Variants in SHISA9 observed in about 807,000 individuals in gnomAD.
SHISA9 encodes shisa family member 9.
A neutral mutation model predicts 38.0 loss-of-function variants in SHISA9; 13 were observed. That is an observed-to-expected ratio of 0.34 (90% confidence interval 0.22 to 0.54). The LOEUF (loss-of-function observed/expected upper bound fraction) is 0.54. Ranked by LOEUF, SHISA9 falls within the 20% of genes least tolerant of loss-of-function variation. SHISA9 has a pLI of 0.91. For missense variants in SHISA9, 538 were observed against 575.8 expected (o/e 0.93, Z 0.67); for synonymous variants, 275 against 242.0 (o/e 1.14, Z -1.27).
Position 12,901,971 on chromosome 16 carries a change from C to G in SHISA9, c.-94C>G. 1.8e-6 allele frequency: 2 copies of G among 1,129,828 alleles called. No individual in the cohort carries two copies. Among genetic ancestry groups the G allele is most frequent in the Non-Finnish European group, 2.3e-6 (2 of 878,178 alleles). The allele number at this position is 1,129,828 out of a possible 1,614,324, so 70.0% of individuals were successfully genotyped here. On this transcript the variant is annotated 5_prime_UTR_variant, in exon 1 of 5. Transcript: ENST00000558583. ...GCGGCCCGCGGCGGCTCGCAGCTCC[C>G]GGCAGCAGCCTCGGCAGCTTCGGCC...
the SHISA9 span, among the ~76,000 whole-genome samples, chr16:13,557,962 A>G: frequency 2.6e-5 from 4 of 152,126 alleles, no homozygotes; most frequent in African/African-American, 9.7e-5. Flanking sequence ...CTTTTAAACT[A>G]TAGGCTTCCG....
chr16:13,096,940 C>A (rs1021289985), intron 2 of SHISA9, among the ~76,000 whole-genome samples: 1 of 152,146 alleles, frequency 6.6e-6, no homozygotes, highest in Non-Finnish European at 1.5e-5. Context: ...GTTCCCTACA[C>A]TATATTCCTA....
At chr16:13,500,854 A>T in the SHISA9 span, among the ~76,000 whole-genome samples, 3 of 152,248 alleles carry the variant, frequency 2.0e-5, no homozygotes, top group African/African-American at 7.2e-5. Flanking sequence ...CATATGAACT[A>T]GAACTCCCAA....
chr16:13,019,226 C>T (rs1039748469), intron 2 of SHISA9, among the ~76,000 whole-genome samples: 3 of 152,150 alleles, frequency 2.0e-5, no homozygotes, highest in East Asian at 3.9e-4. Context: ...TCTTGAACTC[C>T]TGGCCTCAAG....
chr16:13,252,181 T>C, the SHISA9 span, among the ~76,000 whole-genome samples: 2 of 152,212 alleles, frequency 1.3e-5, no homozygotes, highest in Non-Finnish European at 2.9e-5. Context: ...CCTGTTGTAC[T>C]ACTCACCCCT....
intron 2 of SHISA9, among the ~76,000 whole-genome samples, chr16:12,956,922 TTA>T (rs1596549254): frequency 6.6e-6 from 1 of 152,218 alleles, no homozygotes; most frequent in African/African-American, 2.4e-5. Flanking sequence ...CTAGATAAAG[TTA>T]TAGATATATG....
chr16:12,980,630 T>C (rs2072228409), intron 2 of SHISA9, among the ~76,000 whole-genome samples: 2 of 152,034 alleles, frequency 1.3e-5, no homozygotes, highest in South Asian at 4.1e-4. Flanking sequence ...TTTGTACTCA[T>C]TATTTCTTAA....
chr16:13,136,818 A>G (rs2050353726), intron 2 of SHISA9, among the ~76,000 whole-genome samples: 1 of 152,090 alleles, frequency 6.6e-6, no homozygotes, highest in Admixed American at 6.6e-5. Context: ...GTTCCCTCCT[A>G]TGCCCAGTAA....
chr16:13,372,492 G>A, the SHISA9 span, among the ~76,000 whole-genome samples: 2 of 152,246 alleles, frequency 1.3e-5, no homozygotes, highest in African/African-American at 4.8e-5. Flanking sequence ...ATCATGGCAT[G>A]GCCCACCATA....
the SHISA9 span, among the ~76,000 whole-genome samples, chr16:13,549,546 T>C: frequency 1.3e-5 from 2 of 152,160 alleles, no homozygotes; most frequent in African/African-American, 4.8e-5. Context: ...TGCTTTTATA[T>C]TTAAGAAAAA....
At chr16:13,072,511 C>T (rs1006147924) in intron 2 of SHISA9, among the ~76,000 whole-genome samples, 3 of 152,188 alleles carry the variant, frequency 2.0e-5, no homozygotes, top group Admixed American at 6.5e-5. Context: ...CACATCCCAT[C>T]TGGGTCACTG....
At position 13,112,085 on chromosome 16, in the gene SHISA9, G is replaced by A. The variant is rs76398004; in HGVS notation, c.692-91309G>A. 4.3e-3 allele frequency among the ~76,000 whole-genome samples: 657 copies of A among 152,234 alleles called. 4 individuals carry two copies. Among genetic ancestry groups the A allele is most frequent in the African/African-American group, 0.015 (617 of 41,542 alleles). ...GGCCTTTCTATCTTATGCCCAGGTG[G>A]TCATACCACTCAGCAAAAGGGTAAG... On this transcript the variant is annotated intron_variant, in intron 2 of 4. Coordinates refer to ENST00000558583, the MANE Select transcript of SHISA9 (RefSeq NM_001145204.3).
At chr16:13,326,822 G>A in the SHISA9 span, among the ~76,000 whole-genome samples, 2 of 152,178 alleles carry the variant, frequency 1.3e-5, no homozygotes, top group African/African-American at 4.8e-5. Context: ...TGTGAAAAGT[G>A]ATATGGTTGA....
At chr16:13,499,844 G>T in the SHISA9 span, among the ~76,000 whole-genome samples, 1 of 152,128 alleles carries the variant, frequency 6.6e-6, no homozygotes, top group South Asian at 2.1e-4. Context: ...CTTGCGCAGG[G>T]GCAGTGCATC....
At chr16:13,164,980 T>G (rs2050623905) in intron 2 of SHISA9, among the ~76,000 whole-genome samples, 1 of 152,210 alleles carries the variant, frequency 6.6e-6, no homozygotes, top group African/African-American at 2.4e-5. Flanking sequence ...TTCCTCTGTA[T>G]ATAATGCATC....
At chr16:13,134,320 C>T (rs1041447615) in intron 2 of SHISA9, among the ~76,000 whole-genome samples, 1 of 152,192 alleles carries the variant, frequency 6.6e-6, no homozygotes, top group African/African-American at 2.4e-5. Flanking sequence ...CTGGCACACA[C>T]TAACATCTCA....
chr16:12,920,297 G>A (rs1555500438), intron 2 of SHISA9, among the ~76,000 whole-genome samples: 1 of 152,124 alleles, frequency 6.6e-6, no homozygotes, highest in Non-Finnish European at 1.5e-5. Context: ...TTGTGCACAT[G>A]TACCCTAGAA....
the SHISA9 span, among the ~76,000 whole-genome samples, chr16:13,262,631 T>TGGAAGGAAGGAA: frequency 3.4e-3 from 267 of 77,946 alleles, 5 homozygotes; most frequent in Middle Eastern, 0.014. Flanking sequence ...ATTGTTATTG[T>TGGAAGGAAGGAA]GGAAGGAAGG....
chr16:13,160,828 C>T (rs1260686539), intron 2 of SHISA9, among the ~76,000 whole-genome samples: 48 of 152,142 alleles, frequency 3.2e-4, no homozygotes, highest in Admixed American at 3.1e-3. Flanking sequence ...TGATGTTGCC[C>T]TGGAGCCTCC....
Sources: allele counts gnomAD v4.1 joint callset (sites outside exome capture counted in the v4.1 genomes callset), GRCh38; gene constraint gnomAD v4.1.1; transcripts MANE v1.5; gene names NCBI Gene and HGNC (gene_info 2026-07-23, HGNC 2026-07-21).